Variants in PDE6A observed in about 807,000 individuals in gnomAD.
The protein encoded by PDE6A is rod cGMP-specific 3',5'-cyclic phosphodiesterase subunit alpha.
A neutral mutation model predicts 106.3 loss-of-function variants in PDE6A; 84 were observed. The ratio of observed to expected loss-of-function variants is 0.79; its 90% CI spans 0.66 to 0.95. The LOEUF (loss-of-function observed/expected upper bound fraction) is 0.95. Among genes scored for constraint, PDE6A ranks in the 40% least tolerant of loss-of-function variants. The pLI, the probability that PDE6A is intolerant of heterozygous loss-of-function variation, is 0.00. For synonymous variants in PDE6A, 394 were observed against 386.6 expected, an observed-to-expected ratio of 1.02 and a Z score of -0.23; for missense variants, 1,052 against 1,084.9, an observed-to-expected ratio of 0.97 and a Z score of 0.43.
At chr5:149,866,103 G>T (rs1760320761) in intron 20 of PDE6A, 67 bp downstream of exon 20, 1 of 1,115,156 alleles carries the variant, frequency 9.0e-7, no homozygotes, top group Non-Finnish European at 1.4e-6. Context: ...TATTATTCCT[G>T]CTGTTGTCTG....
chr5:149,944,471 A>C lies in PDE6A; in HGVS notation c.203T>G (p.Phe68Cys). The change falls in exon 1 of 22, where the codon TTT becomes TGT. Residue 68 changes from phenylalanine (F) to cysteine (C), a missense_variant. Around this residue, in one of 3 missense-constraint regions of PDE6A, gnomAD observed 913 missense variants for 915.2 expected, o/e 1.00. Coordinates refer to ENST00000255266, the MANE Select transcript of PDE6A (RefSeq NM_000440.3). ...TTTCTCTGTCTGTAAATTCTCCTGA[A>C]AGTCCCGCAGGAGATCAAAGATGAT... is the stretch of plus-strand genomic sequence containing the variant. ...SEIIFDLLRD[F>C]QENLQTEKCI... 1 of 1,614,050 alleles carries C rather than the reference A, an allele frequency of 6.2e-7. No individual in the cohort carries two copies. The highest frequency in any genetic ancestry group is 1.1e-5 in the South Asian group (1 of 91,076).
intron 1 of PDE6A, among the ~76,000 whole-genome samples, chr5:149,941,750 G>A (rs1308232161): frequency 3.3e-5 from 5 of 152,212 alleles, no homozygotes; most frequent in Non-Finnish European, 1.5e-5. Flanking sequence ...AACAAAGACA[G>A]ACTGAGGAAC....
chr5:149,884,724 A>C, intron 15 of PDE6A, 56 bp downstream of exon 15: 1 of 1,539,790 alleles, frequency 6.5e-7, no homozygotes, highest in East Asian at 2.2e-5. Context: ...GCTCCTTGTG[A>C]AATAGAGCCT....
intron 13 of PDE6A, among the ~76,000 whole-genome samples, chr5:149,892,728 A>C (rs1230443032): frequency 2.6e-5 from 4 of 151,802 alleles, no homozygotes; most frequent in Non-Finnish European, 1.5e-5. Context: ...CATTCCACCT[A>C]CCTAAGCCTC....
intron 13 of PDE6A, among the ~76,000 whole-genome samples, chr5:149,887,902 G>A (rs895654827): frequency 4.6e-5 from 7 of 152,158 alleles, no homozygotes; most frequent in African/African-American, 1.7e-4. Flanking sequence ...GCATTAGGCT[G>A]GTTCCTACTT....
At chr5:149,901,168 G>A (rs1042183168) in intron 8 of PDE6A, among the ~76,000 whole-genome samples, 4 of 151,984 alleles carry the variant, frequency 2.6e-5, no homozygotes, top group East Asian at 1.9e-4. Flanking sequence ...TGCCCGCCTC[G>A]GTCTCTCAAA....
At chr5:149,901,521 TC>T (rs1752978964) in intron 8 of PDE6A, among the ~76,000 whole-genome samples, 1 of 151,968 alleles carries the variant, frequency 6.6e-6, no homozygotes. Flanking sequence ...AGTATGAAAC[TC>T]CATCTCAAAA....
At chr5:149,867,857 C>A in intron 18 of PDE6A, 58 bp from the exon 19 acceptor site, 1 of 1,483,394 alleles carries the variant, frequency 6.7e-7, no homozygotes. Flanking sequence ...ATCCCCTACC[C>A]CTGCTCCCAC....
intron 5 of PDE6A, among the ~76,000 whole-genome samples, chr5:149,920,562 A>G (rs1165106214): frequency 6.6e-6 from 1 of 152,142 alleles, no homozygotes; most frequent in Non-Finnish European, 1.5e-5. Flanking sequence ...CCTGGGTGAC[A>G]AGAGCAAAAC....
chr5:149,914,599 C>T (rs992830510), intron 6 of PDE6A, among the ~76,000 whole-genome samples: 6 of 150,308 alleles, frequency 4.0e-5, no homozygotes, highest in Non-Finnish European at 7.4e-5. Context: ...CCAAAAAGTC[C>T]TGTTCCAGTC....
rs1760399009 is a variant in PDE6A, at chr5:149,868,113, G to C, written c.2181C>G (p.Pro727=). The change falls in exon 18 of 22, where the codon CCC becomes CCG. Residue 727 remains proline (P), a synonymous_variant. Coordinates refer to ENST00000255266, the MANE Select transcript of PDE6A (RefSeq NM_000440.3). ...TTCATACCTGGCTCTGCACCTCCCA[G>C]GGTTTGGTGATGGCTGAGAGATCAC... ...TACDLSAITK[P]WEVQSQVALL... 5.0e-6 allele frequency: 8 copies of C among 1,614,204 alleles called. No homozygotes were observed. Among genetic ancestry groups the C allele is most frequent in the Non-Finnish European group, 6.8e-6 (8 of 1,180,040 alleles).
rs758696476 is a variant in PDE6A, at chr5:149,884,783, G to A, written c.1923C>T (p.Asp641=). The A allele has an allele frequency of 6.8e-6, 11 of 1,613,610 alleles. No individual in the cohort carries two copies. Among genetic ancestry groups the A allele is most frequent in the African/African-American group, 2.7e-5 (2 of 74,900 alleles). ...AGACCCTTGGCCCTCATCCTACCTC[G>A]TCTCTGAGCAGTGTTTTGCCAAACT... ...HLEFGKTLLR[D]ESLNIFQNLN... Residue 641 remains aspartate (D), a synonymous_variant, in exon 15 of 22, where the codon GAC becomes GAT. Coordinates refer to ENST00000255266, the MANE Select transcript of PDE6A (RefSeq NM_000440.3).
Position 149,928,231 on chromosome 5 carries a change from A to ATT in PDE6A, c.858+2795_858+2796dup, listed in dbSNP as rs1165259453. Among the ~76,000 whole-genome samples, 98 of 19,752 alleles carry ATT rather than the reference A, an allele frequency of 5.0e-3. 7 individuals are homozygous for ATT. Among genetic ancestry groups the ATT allele is most frequent in the African/African-American group, 0.017 (36 of 2,098 alleles). The allele number at this position is 19,752 out of a possible 152,430, so 13.0% of individuals were successfully genotyped here. A position where few individuals can be genotyped will look rare whatever the true frequency, so the allele number is the denominator to read the frequency against. On this transcript the variant is annotated intron_variant, in intron 4 of 21. Coordinates refer to ENST00000255266, the MANE Select transcript of PDE6A (RefSeq NM_000440.3). ...GTGCTATATATATATATATATATAT[A>ATT]TTTTTTTTTTTTTTTTTTTTGAGAC... is the stretch of plus-strand genomic sequence containing the variant.
intron 6 of PDE6A, among the ~76,000 whole-genome samples, chr5:149,909,496 C>A (rs947725314): frequency 2.6e-5 from 4 of 152,162 alleles, no homozygotes; most frequent in Admixed American, 1.3e-4. Context: ...AGTAGCTCCC[C>A]CACTAATAGC....
At chr5:149,917,745 G>A (rs1160689875) in intron 5 of PDE6A, among the ~76,000 whole-genome samples, 1 of 152,126 alleles carries the variant, frequency 6.6e-6, no homozygotes, top group African/African-American at 2.4e-5. Flanking sequence ...TTCTAGTTTC[G>A]GTCCTACTAT....
rs1581186849 is a variant in PDE6A at position 149,903,663 on chromosome 5, GT to G, written c.1097del (p.Asp366AlafsTer16). Reference sequence around the variant, plus strand: ...AATGACTTACCTGAAATGCAAAAAAGTCCTCCGCAGGCGCATTCATGATGTT... The same window carrying G: ...AATGACTTACCTGAAATGCAAAAAAGCCTCCGCAGGCGCATTCATGATGTT... ...ICNIMNAPAE[D>X]FFAFQKEPLD... On this transcript the variant is annotated frameshift_variant, in exon 8 of 22. Coordinates refer to ENST00000255266, the MANE Select transcript of PDE6A (RefSeq NM_000440.3). LOFTEE classifies it high-confidence loss of function. 1 of 1,613,660 alleles carries G rather than the reference GT, an allele frequency of 6.2e-7. No homozygotes were observed. Among genetic ancestry groups the G allele is most frequent in the Non-Finnish European group, 8.5e-7 (1 of 1,179,618 alleles).
At chr5:149,861,099 C>G in intron 21 of PDE6A, 128 bp from the exon 22 acceptor site, 1 of 752,292 alleles carries the variant, frequency 1.3e-6, no homozygotes. Flanking sequence ...ACAACACATG[C>G]AGAAGGCAAA....
intron 5 of PDE6A, among the ~76,000 whole-genome samples, chr5:149,916,932 G>A (rs1287096267): frequency 6.6e-6 from 1 of 152,098 alleles, no homozygotes; most frequent in East Asian, 1.9e-4. Flanking sequence ...TGCCTGTCTT[G>A]TGAACTCTTT....
chr5:149,885,421 C>T (rs951462829), intron 14 of PDE6A, among the ~76,000 whole-genome samples: 3 of 152,164 alleles, frequency 2.0e-5, no homozygotes, highest in Non-Finnish European at 2.9e-5. Context: ...TCTGCCCAGC[C>T]CACTGGGTGG....
Sources: gnomAD v4.1 joint callset for allele counts (sites outside exome capture counted in the v4.1 genomes callset) on GRCh38, gnomAD v4.1.1 for gene constraint, gnomAD v4.1.1 regional missense constraint, MANE v1.5 for transcripts, NCBI Gene and HGNC (gene_info 2026-07-23, HGNC 2026-07-21) for gene names.